The following MYT1 variants were observed in gnomAD, a reference collection of about 807,000 sequenced individuals.
MYT1 encodes the protein myelin transcription factor 1.
A neutral mutation model predicts 123.0 loss-of-function variants in MYT1; 23 were observed. That is an observed-to-expected ratio of 0.19 (90% confidence interval 0.13 to 0.26). MYT1 has a LOEUF of 0.26. MYT1 is among the 10% of genes least tolerant of loss of function. The pLI is 1.00. For synonymous variants in MYT1, 518 were observed against 575.3 expected (o/e 0.90, Z 1.43); for missense variants, 1,125 against 1,472.5 (o/e 0.76, Z 3.86).
rs755765832 is a variant in MYT1 at position 64,219,061 on chromosome 20, TC to T, written c.1971+27del. On this transcript the variant is annotated intron_variant, in intron 12 of 22. Coordinates refer to ENST00000328439, the MANE Select transcript of MYT1 (RefSeq NM_004535.3). ...GTTAGTACATCTGCCACAGAGCCTT[TC>T]TTGGGAGAGGTGAGTTGGTGGAATT... is the stretch of plus-strand genomic sequence containing the variant. 6.3e-6 allele frequency: 10 copies of T among 1,591,534 alleles called. No homozygotes were observed. The South Asian group carries it at 1.1e-4, about 18-fold the overall frequency.
Position 64,212,130 on chromosome 20 carries a change from G to A in MYT1, c.1509G>A (p.Thr503=), listed in dbSNP as rs775580157. The change falls in exon 9 of 23, where the codon ACG becomes ACA. Residue 503 remains threonine, a synonymous_variant. Coordinates refer to ENST00000328439, the MANE Select transcript of MYT1 (RefSeq NM_004535.3). The surrounding 1 kb of genome is among the most constrained non-coding windows in gnomAD (Gnocchi z 6.8). The part of the protein sequence containing the change: ...GQGHVNSNRN[T]HRSLSGCPIA... ...GTCACGTGAACAGCAACCGCAACAC[G>A]CACAGAAGGTACTTGGACTGAGCTG... The A allele has an allele frequency of 3.1e-6, 5 of 1,609,590 alleles. No individual in the cohort carries two copies. The highest frequency in any genetic ancestry group is 4.2e-6 in the Non-Finnish European group (5 of 1,177,726).
intron 19 of MYT1, among the ~76,000 whole-genome samples, chr20:64,234,227 C>A (rs115633173): frequency 6.6e-6 from 1 of 152,128 alleles, no homozygotes; most frequent in Non-Finnish European, 1.5e-5. Flanking sequence ...GTGTCTATAT[C>A]CGAGGAGTGA....
rs935125900 is a variant in MYT1, at chr20:64,202,051, C to T, written c.86+2129C>T. Among the ~76,000 whole-genome samples the T allele has an allele frequency of 2.0e-5, 3 of 151,394 alleles. No homozygotes were observed. Among genetic ancestry groups the T allele is most frequent in the Non-Finnish European group, 4.4e-5 (3 of 67,788 alleles). ...GGGAACCCCCGCGTGTCGGGAACCT[C>T]TGCGTGTCGGGAACCCCTGTGTGCA... On this transcript the variant is annotated intron_variant, in intron 4 of 22. Coordinates refer to ENST00000328439, the MANE Select transcript of MYT1 (RefSeq NM_004535.3). This position sits in a 1 kb window ranked among gnomAD's most constrained non-coding sequence, Gnocchi z 5.0.
At chr20:64,220,854 C>CCCCT (rs1353796073) in intron 13 of MYT1, among the ~76,000 whole-genome samples, 2 of 92,684 alleles carry the variant, frequency 2.2e-5, no homozygotes, top group African/African-American at 8.3e-5. Flanking sequence ...TGGATCAGGC[C>CCCCT]CCTATGAAGG....
At chr20:64,165,129 G>A (rs1392149154) in intron 1 of MYT1, among the ~76,000 whole-genome samples, 1 of 152,082 alleles carries the variant, frequency 6.6e-6, no homozygotes, top group African/African-American at 2.4e-5. Context: ...CCGTACCTGG[G>A]GAGAGCACTG....
intron 8 of MYT1, among the ~76,000 whole-genome samples, chr20:64,211,808 A>T (rs1161267424): frequency 6.6e-6 from 1 of 152,168 alleles, no homozygotes; most frequent in Non-Finnish European, 1.5e-5. Flanking sequence ...CGCAGGAGGG[A>T]GGGACCACAG....
In MYT1 at chr20:64,227,360, G is replaced by T. The variant is rs186313135; in HGVS notation, c.2529-55G>T. 1.5e-4 allele frequency: 243 copies of T among 1,573,992 alleles called. 1 individual carries two copies. The East Asian group carries it at 4.7e-3, about 31-fold the overall frequency. The stretch of plus-strand genomic sequence containing the variant: ...TTCCTCTGGGGGTCCCAGGGCTCTG[G>T]GCCGGGGCTAAACGCCTTCACGGGC... On this transcript the variant is annotated intron_variant, in intron 16 of 22. Coordinates refer to ENST00000328439, the MANE Select transcript of MYT1 (RefSeq NM_004535.3).
At chr20:64,219,613 G>T in intron 12 of MYT1, 100 bp from the exon 13 acceptor site, 1 of 1,054,958 alleles carries the variant, frequency 9.5e-7, no homozygotes, top group Non-Finnish European at 1.4e-6. Flanking sequence ...CCTTCTATGG[G>T]AACCAGTGTT....
rs181682212 is a variant in MYT1 at position 64,196,838 on chromosome 20, G to T, written c.1-2024G>T. 3.0e-3 allele frequency among the ~76,000 whole-genome samples: 457 copies of T among 152,234 alleles called. 3 individuals carry two copies. The highest frequency in any genetic ancestry group is 0.011 in the African/African-American group (448 of 41,536). On this transcript the variant is annotated intron_variant, in intron 2 of 22. Transcript: ENST00000328439. This position sits in a 1 kb window ranked among gnomAD's most constrained non-coding sequence, Gnocchi z 4.3. Reference sequence around the variant, plus strand: ...CAGGAAATCCAAATTGCCAAGGCACGCTTTAACCTAGCAGAATGCTTGCCA... The same window carrying T: ...CAGGAAATCCAAATTGCCAAGGCACTCTTTAACCTAGCAGAATGCTTGCCA...
At position 64,192,180 on chromosome 20, in the gene MYT1, CG is replaced by C. The variant is rs1260229238; in HGVS notation, c.-1+2021del. Among the ~76,000 whole-genome samples the C allele has an allele frequency of 6.6e-6, 1 of 152,220 alleles. No homozygotes were observed. The highest frequency in any genetic ancestry group is 1.9e-4 in the East Asian group (1 of 5,200). Reference sequence around the variant, plus strand: ...AGCCAGGGACCCGTGCCCAGGTTCTCGTGGCATCACCAGCTCTTTCATCACT... The same window carrying C: ...AGCCAGGGACCCGTGCCCAGGTTCTCTGGCATCACCAGCTCTTTCATCACT... On this transcript the variant is annotated intron_variant, in intron 2 of 22. Coordinates refer to ENST00000328439, the MANE Select transcript of MYT1 (RefSeq NM_004535.3). This position sits in a 1 kb window ranked among gnomAD's most constrained non-coding sequence, Gnocchi z 5.3.
Position 64,219,725 on chromosome 20 carries a change from G to A in MYT1, c.1984G>A (p.Glu662Lys), listed in dbSNP as rs746938954. The change falls in exon 13 of 23, where the codon GAG (glutamate) becomes AAG (lysine). Residue 662 changes from glutamate to lysine, a missense_variant. By Grantham distance (56) the Glu-to-Lys change is moderately conservative. Coordinates refer to ENST00000328439, the MANE Select transcript of MYT1 (RefSeq NM_004535.3). Reference sequence around the variant, plus strand: ...TTTGCCATTGCAGTCTGTGGATATCGAGGTAGACGAAAATGGAACCCTGGA... The same window carrying A: ...TTTGCCATTGCAGTCTGTGGATATCAAGGTAGACGAAAATGGAACCCTGGA... The part of the protein sequence containing the change: ...QDLPSKSVDI[E>K]VDENGTLDLS... 9 of 1,611,618 alleles carry A rather than the reference G, an allele frequency of 5.6e-6. No homozygotes were observed. Among genetic ancestry groups the A allele is most frequent in the African/African-American group, 5.3e-5 (4 of 74,884 alleles).
intron 1 of MYT1, among the ~76,000 whole-genome samples, chr20:64,165,740 G>A (rs1444796355): frequency 6.6e-6 from 1 of 152,188 alleles, no homozygotes; most frequent in Admixed American, 6.5e-5. Context: ...GTTTGGTCCT[G>A]GGCATGGACT....
In MYT1 at chr20:64,186,391, A is replaced by AT. The variant is rs1328750307; in HGVS notation, c.-98-3670dup. ...TTCGCATCCACGAGCAGGGATTCAGATTAACTCACTAGAAACTCAATAACC... is the reference window on the plus strand; with the variant it reads ...TTCGCATCCACGAGCAGGGATTCAGATTTAACTCACTAGAAACTCAATAACC... On this transcript the variant is annotated intron_variant, in intron 1 of 22. Transcript: ENST00000328439. This position sits in a 1 kb window ranked among gnomAD's most constrained non-coding sequence, Gnocchi z 4.3. Among the ~76,000 whole-genome samples, 1 of 152,200 alleles carries AT rather than the reference A, an allele frequency of 6.6e-6. No individual in the cohort carries two copies. Among genetic ancestry groups the AT allele is most frequent in the Non-Finnish European group, 1.5e-5 (1 of 68,034 alleles).
At chr20:64,173,518 A>G (rs371218819) in intron 1 of MYT1, among the ~76,000 whole-genome samples, 65 of 92,736 alleles carry the variant, frequency 7.0e-4, no homozygotes, top group South Asian at 1.3e-3. Context: ...CCCCTCCCTG[A>G]CTTCTCCTCC....
chr20:64,237,159 G>A (rs1984576557), intron 20 of MYT1, 128 bp from the exon 21 acceptor site: 7 of 665,946 alleles, frequency 1.1e-5, no homozygotes, highest in South Asian at 1.9e-5. Flanking sequence ...AGATGAGCTC[G>A]GAAAACCAGG....
chr20:64,173,633 G>A (rs28549293), intron 1 of MYT1, among the ~76,000 whole-genome samples: 2 of 150,096 alleles, frequency 1.3e-5, no homozygotes, highest in Non-Finnish European at 3.0e-5. Context: ...TTCTCCTCCT[G>A]CAGCATCTTT....
chr20:64,186,744 C>T lies in MYT1; in HGVS notation c.-98-3319C>T, dbSNP rs145474451. On this transcript the variant is annotated intron_variant, in intron 1 of 22. Coordinates refer to ENST00000328439, the MANE Select transcript of MYT1 (RefSeq NM_004535.3). The surrounding 1 kb of genome is among the most constrained non-coding windows in gnomAD (Gnocchi z 4.3). ...TCTTTATGGAACACCTCCACGTTTC[C>T]GTGGAGAGATTTCCTGTAGCCCGTG... Among the ~76,000 whole-genome samples the T allele has an allele frequency of 1.1e-3, 162 of 152,378 alleles. 1 individual carries two copies. The highest frequency in any genetic ancestry group is 2.9e-3 in the African/African-American group (119 of 41,584).
intron 16 of MYT1, among the ~76,000 whole-genome samples, chr20:64,224,966 C>A (rs973143093): frequency 6.6e-6 from 1 of 152,156 alleles, no homozygotes; most frequent in African/African-American, 2.4e-5. Context: ...TTTTTTAAGA[C>A]TAAGAGCCTG....
chr20:64,165,343 A>G (rs1982049753), intron 1 of MYT1, among the ~76,000 whole-genome samples: 1 of 152,128 alleles, frequency 6.6e-6, no homozygotes, highest in African/African-American at 2.4e-5. Flanking sequence ...CGCTCCTCTC[A>G]GCCCCTTTTT....
Sources: allele counts gnomAD v4.1 joint callset (sites outside exome capture counted in the v4.1 genomes callset), GRCh38; gene constraint gnomAD v4.1.1; non-coding constraint Gnocchi (gnomAD v3.1); transcripts MANE v1.5; gene names NCBI Gene and HGNC (gene_info 2026-07-23, HGNC 2026-07-21).